CTCF: variants seen among roughly 807,000 people sequenced by gnomAD.
CTCF encodes the protein CCCTC-binding factor, also known as transcriptional repressor CTCF.
CTCF carries 7 observed loss-of-function variants against 72.3 expected under a neutral mutation model. The ratio of observed to expected loss-of-function variants is 0.10; its 90% CI spans 0.06 to 0.18. The LOEUF is 0.18. Ranked by LOEUF, CTCF falls within the 10% of genes least tolerant of loss-of-function variation. The probability of loss-of-function intolerance (pLI) is 1.00; values close to 1 mark genes in which losing one functional copy is unlikely to be tolerated. For synonymous variants in CTCF, 374 were observed against 315.8 expected, an observed-to-expected ratio of 1.18 and a Z score of -1.95; for missense variants, 516 against 949.1, an observed-to-expected ratio of 0.54 and a Z score of 6.00.
At chr16:67,614,033 G>A (rs2052096641) in intron 4 of CTCF, among the ~76,000 whole-genome samples, 2 of 151,980 alleles carry the variant, frequency 1.3e-5, no homozygotes, top group South Asian at 2.1e-4. Context: ...GCATTCTAGG[G>A]GGCGCCTTTG....
chr16:67,611,810 A>G, intron 3 of CTCF, 141 bp from the exon 4 acceptor site: 5 of 921,600 alleles, frequency 5.4e-6, no homozygotes, highest in South Asian at 1.5e-5. Flanking sequence ...AAGGAAATGT[A>G]TTAGTGACAT....
chr16:67,594,961 T>C (rs2051792520), intron 2 of CTCF, among the ~76,000 whole-genome samples: 1 of 152,104 alleles, frequency 6.6e-6, no homozygotes, highest in South Asian at 2.1e-4. Context: ...GGACAAGACA[T>C]CAGATACTGA....
At position 67,639,130 on chromosome 16, in the gene CTCF, A is replaced by C. The variant is rs1443280320; in HGVS notation, c.*1258A>C. Reference sequence around the variant, plus strand: ...GTAATGGGGTTGAAAGCTGGGGAGGAGGATCTACTGCTGTACAGCTAATAA... The same window carrying C: ...GTAATGGGGTTGAAAGCTGGGGAGGCGGATCTACTGCTGTACAGCTAATAA... On this transcript the variant is annotated 3_prime_UTR_variant, in exon 12 of 12. Coordinates refer to ENST00000264010, the MANE Select transcript of CTCF (RefSeq NM_006565.4). The C allele has an allele frequency of 5.1e-6, 1 of 195,854 alleles. No homozygotes were observed. Among genetic ancestry groups the C allele is most frequent in the African/African-American group, 2.3e-5 (1 of 43,248 alleles). The allele number at this position is 195,854 out of a possible 1,614,324, so 12.1% of individuals were successfully genotyped here. A position where few individuals can be genotyped will look rare whatever the true frequency, so the allele number is the denominator to read the frequency against.
chr16:67,617,737 A>G lies in CTCF; in HGVS notation c.1086+859A>G, dbSNP rs547069222. Among the ~76,000 whole-genome samples the G allele has an allele frequency of 3.3e-5, 5 of 152,314 alleles. No individual in the cohort carries two copies. In the South Asian group the frequency reaches 1.0e-3, roughly 32 times the overall value. ...ACAGGCAAATTCTGTCAAACTTTGA[A>G]GAAAAAACTGTACCCAGAGCATTTT... On this transcript the variant is annotated intron_variant, in intron 5 of 11. Coordinates refer to ENST00000264010, the MANE Select transcript of CTCF (RefSeq NM_006565.4).
intron 9 of CTCF, 67 bp from the exon 10 acceptor site, chr16:67,629,331 T>C (rs2052332088): frequency 6.8e-7 from 1 of 1,467,540 alleles, no homozygotes; most frequent in Admixed American, 2.1e-5. Context: ...TTTATTAAAG[T>C]AAATAACTTC....
chr16:67,603,354 C>G (rs796696362), intron 2 of CTCF, among the ~76,000 whole-genome samples: 3 of 151,758 alleles, frequency 2.0e-5, no homozygotes, highest in Admixed American at 1.3e-4. Context: ...ATGGTGAAAC[C>G]CCGTCCCTAC....
rs766626496 is a variant in CTCF at position 67,628,437 on chromosome 16, A to G, written c.1586A>G (p.Asp529Gly). Residue 529 changes from aspartate (D) to glycine (G), a missense_variant, in exon 9 of 12, where the codon GAT (aspartate) becomes GGT (glycine). Physicochemically the swap from Asp to Gly is moderately conservative, Grantham distance 94 (BLOSUM62 -1). Transcript: ENST00000264010. ...AAGCCTTACGCCTGCAGCCACTGCG[A>G]TAAGACCTTCCGCCAGAAGCAGCTT... ...GEKPYACSHC[D>G]KTFRQKQLLD... 5.0e-6 allele frequency: 8 copies of G among 1,614,198 alleles called. No individual in the cohort carries two copies. Among genetic ancestry groups the G allele is most frequent in the Admixed American group, 1.7e-5 (1 of 60,008 alleles).
At chr16:67,566,837 C>T (rs1309666537) in intron 1 of CTCF, among the ~76,000 whole-genome samples, 1 of 152,064 alleles carries the variant, frequency 6.6e-6, no homozygotes, top group Non-Finnish European at 1.5e-5. Flanking sequence ...TCTCAAAGTG[C>T]TGGGATTACA....
Position 67,629,435 on chromosome 16 carries a change from C to T in CTCF, c.1739C>T (p.Pro580Leu), listed in dbSNP as rs2142869252. ...AGACATGCTGATAATTGTGCTGGCC[C>T]AGATGGCGTAGAGGGGGAAAATGGA... ...MARHADNCAG[P>L]DGVEGENGGE... Residue 580 changes from proline (P) to leucine (L), a missense_variant, in exon 10 of 12, where the codon CCA becomes CTA. Transcript: ENST00000264010. 1 of 1,609,072 alleles carries T rather than the reference C, an allele frequency of 6.2e-7. No individual in the cohort carries two copies. Among genetic ancestry groups the T allele is most frequent in the South Asian group, 1.1e-5 (1 of 90,116 alleles).
rs569606794 is a variant in CTCF, at chr16:67,574,411, G to A, written c.-10+3147G>A. Among the ~76,000 whole-genome samples the A allele has an allele frequency of 6.6e-5, 10 of 152,030 alleles. 1 individual carries two copies. The East Asian group carries it at 1.2e-3, about 18-fold the overall frequency. On this transcript the variant is annotated intron_variant, in intron 2 of 11. Coordinates refer to ENST00000264010, the MANE Select transcript of CTCF (RefSeq NM_006565.4). ...GGCTGGAGTGCAGTGGCGTGATCTCGGCTCACTGCAACTTCCCCCTCCCAG... is the reference window on the plus strand; with the variant it reads ...GGCTGGAGTGCAGTGGCGTGATCTCAGCTCACTGCAACTTCCCCCTCCCAG...
chr16:67,591,463 ATTCT>A (rs901166992), intron 2 of CTCF, among the ~76,000 whole-genome samples: 1 of 152,106 alleles, frequency 6.6e-6, no homozygotes, highest in Admixed American at 6.6e-5. Flanking sequence ...ACTCCTCCTC[ATTCT>A]TTATTGTAGT....
At chr16:67,602,950 C>A (rs1345080761) in intron 2 of CTCF, among the ~76,000 whole-genome samples, 1 of 151,706 alleles carries the variant, frequency 6.6e-6, no homozygotes, top group Non-Finnish European at 1.5e-5. Flanking sequence ...ACCTGAAGTT[C>A]TGTGTTTTTA....
intron 2 of CTCF, among the ~76,000 whole-genome samples, chr16:67,605,477 G>A (rs1406375366): frequency 6.6e-6 from 1 of 152,108 alleles, no homozygotes; most frequent in African/African-American, 2.4e-5. Context: ...TGAGAACAAG[G>A]GACTAATGAA....
intron 7 of CTCF, among the ~76,000 whole-genome samples, chr16:67,624,099 GTGTGTGTGTGTGTGTGTA>G (rs2052244947): frequency 7.6e-6 from 1 of 131,662 alleles, no homozygotes; most frequent in Non-Finnish European, 1.6e-5. Flanking sequence ...GTGTGTGTGT[GTGTGTGTGTGTGTGTGTA>G]TGTGTGTGTA....
At chr16:67,614,346 CAAAAAAAAAAAAA>C (rs1216599508) in intron 4 of CTCF, 1 of 39,568 alleles carries the variant, frequency 2.5e-5, no homozygotes, top group Non-Finnish European at 5.4e-5. Context: ...GACTCCATCT[CAAAAAAAAAAAAA>C]AAAAAAAAAG....
chr16:67,608,581 T>C (rs931273971), intron 2 of CTCF, among the ~76,000 whole-genome samples: 4 of 152,180 alleles, frequency 2.6e-5, no homozygotes, highest in Non-Finnish European at 4.4e-5. Flanking sequence ...GTTTCAGTTA[T>C]GCAAGATGAG....
intron 1 of CTCF, among the ~76,000 whole-genome samples, chr16:67,566,145 T>G (rs1260663060): frequency 6.6e-6 from 1 of 152,172 alleles, no homozygotes; most frequent in Non-Finnish European, 1.5e-5. Context: ...CTCAGATGCA[T>G]TATGATTTAA....
intron 5 of CTCF, among the ~76,000 whole-genome samples, chr16:67,618,023 T>G (rs1838969175): frequency 6.6e-6 from 1 of 152,226 alleles, no homozygotes; most frequent in African/African-American, 2.4e-5. Context: ...ATATTATTTC[T>G]GTAGATGGGA....
At chr16:67,612,217 G>T in intron 4 of CTCF, 96 bp downstream of exon 4, 1 of 1,156,602 alleles carries the variant, frequency 8.6e-7, no homozygotes. Context: ...TTTAAAGGAA[G>T]TTTTTATTAT....
Sources: gnomAD v4.1 joint callset for allele counts (sites outside exome capture counted in the v4.1 genomes callset) on GRCh38, gnomAD v4.1.1 for gene constraint, MANE v1.5 for transcripts, NCBI Gene and HGNC (gene_info 2026-07-23, HGNC 2026-07-21) for gene names.